The following MDC1 variants were observed in gnomAD, a reference collection of about 807,000 sequenced individuals.
MDC1 encodes the protein mediator of DNA damage checkpoint 1.
In MDC1, 81 loss-of-function variants were observed where a neutral mutation model predicts 142.5. That is an observed-to-expected ratio of 0.57 (90% confidence interval 0.47 to 0.68). The LOEUF (loss-of-function observed/expected upper bound fraction) is 0.68, where lower values mean the gene tolerates loss of function less well. Ranked by LOEUF, MDC1 falls within the 30% of genes least tolerant of loss-of-function variation. The pLI is 0.00. For synonymous variants in MDC1, 797 were observed against 968.4 expected, an observed-to-expected ratio of 0.82 and a Z score of 3.29; for missense variants, 2,119 against 2,547.9, an observed-to-expected ratio of 0.83 and a Z score of 3.62.
Position 30,713,513 on chromosome 6 carries a change from T to G in MDC1, c.587+135A>C, listed in dbSNP as rs1048922777. Reference sequence around the variant, plus strand: ...GCACATCAGATGTGCTCCATAAAAATTCAGCTGAGTGAATGAATATGTATG... The same window carrying G: ...GCACATCAGATGTGCTCCATAAAAAGTCAGCTGAGTGAATGAATATGTATG... On this transcript the variant is annotated intron_variant, in intron 4 of 14. Transcript: ENST00000376406. The surrounding 1 kb of genome is among the most constrained non-coding windows in gnomAD (Gnocchi z 4.9). 1.6e-6 allele frequency: 2 copies of G among 1,247,284 alleles called. No individual in the cohort carries two copies. Among genetic ancestry groups the G allele is most frequent in the African/African-American group, 3.0e-5 (2 of 65,644 alleles). 77.3% of individuals were successfully genotyped at this position (1,247,284 alleles called of 1,614,324 possible). A position where few individuals can be genotyped will look rare whatever the true frequency, so the allele number is the denominator to read the frequency against.
At chr6:30,700,658 A>G in intron 14 of MDC1, 26 bp from the exon 15 acceptor site, 1 of 1,611,276 alleles carries the variant, frequency 6.2e-7, no homozygotes, top group Non-Finnish European at 8.5e-7. Flanking sequence ...CAAAGGCAAA[A>G]TCAGGTGAAA....
Position 30,712,760 on chromosome 6 carries a change from G to T in MDC1, c.1182C>A (p.Ser394Arg), listed in dbSNP as rs758172008. 6.2e-7 allele frequency: 1 copy of T among 1,613,020 alleles called. No individual in the cohort carries two copies. Among genetic ancestry groups the T allele is most frequent in the South Asian group, 1.1e-5 (1 of 91,080 alleles). ...CGCTGTTGATAACCATGGAAGCTTG[G>T]CTTTTCTCCAGAGGGACAGCCTGTG... ...KAPQAVPLEK[S>R]QASMVINSDT... Residue 394 changes from serine to arginine, a missense_variant, in exon 5 of 15, where the codon AGC becomes AGA. Ser to Arg is a moderately radical substitution (Grantham distance 110). Transcript: ENST00000376406. This position sits in a 1 kb window ranked among gnomAD's most constrained non-coding sequence, Gnocchi z 4.7.
Position 30,705,947 on chromosome 6 carries a change from C to T in MDC1, c.3236G>A (p.Arg1079His), listed in dbSNP as rs61733207. The stretch of plus-strand genomic sequence containing the variant: ...CTGACTCCCATCTTGCCTGGTCTTA[C>T]GAACGGTTGGCTTGATAGAAGGTAA... ...PLLPSIKPTV[R>H]KTRQDGSQEA... is the part of the protein sequence containing the mutation. Residue 1079 changes from arginine (R) to histidine (H), a missense_variant, in exon 10 of 15, where the codon CGT becomes CAT. Transcript: ENST00000376406. 26 of 1,613,602 alleles carry T rather than the reference C, an allele frequency of 1.6e-5. No individual in the cohort carries two copies. Among genetic ancestry groups the T allele is most frequent in the Admixed American group, 3.3e-5 (2 of 59,932 alleles).
At position 30,703,115 on chromosome 6, in the gene MDC1, A is replaced by T. The variant is rs752967444; in HGVS notation, c.5854T>A (p.Trp1952Arg). The T allele has an allele frequency of 6.2e-7, 1 of 1,612,572 alleles. No homozygotes were observed. Among genetic ancestry groups the T allele is most frequent in the African/African-American group, 1.3e-5 (1 of 74,934 alleles). The change falls in exon 12 of 15, where the codon TGG (tryptophan) becomes AGG (arginine). Residue 1952 changes from tryptophan (W) to arginine (R), a missense_variant. Physicochemically the swap from Trp to Arg is moderately radical, Grantham distance 101 (BLOSUM62 -3). Transcript: ENST00000376406. This position sits in a 1 kb window ranked among gnomAD's most constrained non-coding sequence, Gnocchi z 4.4. Reference sequence around the variant, plus strand: ...CCTTGGCCTCTCACCTGATGCAGCCAGTCCAGGGACAGAATGGGGATTCCC... The same window carrying T: ...CCTTGGCCTCTCACCTGATGCAGCCTGTCCAGGGACAGAATGGGGATTCCC... ...GRGIPILSLD[W>R]LHQSRKAGFF...
Position 30,702,740 on chromosome 6 carries a change from A to G in MDC1, c.5991+12T>C, listed in dbSNP as rs371162703. ...GGAGGGCTGAAGCACAGGTTAAAAG[A>G]TAGCCTCTCACCTCTAGCAGCCTTC... On this transcript the variant is annotated intron_variant, in intron 13 of 14. Coordinates refer to ENST00000376406, the MANE Select transcript of MDC1 (RefSeq NM_014641.3). 1.2e-6 allele frequency: 2 copies of G among 1,613,068 alleles called. No homozygotes were observed. The highest frequency in any genetic ancestry group is 1.7e-5 in the Admixed American group (1 of 60,014).
At position 30,711,356 on chromosome 6, in the gene MDC1, G is replaced by A. The variant is rs1774852221; in HGVS notation, c.2221+56C>T. The A allele has an allele frequency of 2.0e-6, 3 of 1,484,176 alleles. No homozygotes were observed. The South Asian group carries it at 3.4e-5, about 17-fold the overall frequency. The allele number at this position is 1,484,176 out of a possible 1,614,324, so 91.9% of individuals were successfully genotyped here. A position where few individuals can be genotyped will look rare whatever the true frequency, so the allele number is the denominator to read the frequency against. The stretch of plus-strand genomic sequence containing the variant: ...ACTGTAATCCAGCCTGAGTGACAGA[G>A]GAAAAAAAAGAGAATGCAGAATTGG... On this transcript the variant is annotated intron_variant, in intron 7 of 14. Coordinates refer to ENST00000376406, the MANE Select transcript of MDC1 (RefSeq NM_014641.3).
intron 14 of MDC1, among the ~76,000 whole-genome samples, chr6:30,702,046 A>G (rs974636485): frequency 6.6e-6 from 1 of 151,836 alleles, no homozygotes; most frequent in Non-Finnish European, 1.5e-5. Context: ...GCAGATCATG[A>G]CCTCAGGAGA....
rs1472156046 is a variant in MDC1 at position 30,707,392 on chromosome 6, CCTT to C, written c.3073_3075del (p.Lys1025del). The C allele has an allele frequency of 1.2e-6, 2 of 1,613,080 alleles. No homozygotes were observed. Among genetic ancestry groups the C allele is most frequent in the Admixed American group, 1.7e-5 (1 of 60,026 alleles). ...GAAAAAGTAGCTCTCACCCTGGAAA[CCTT>C]CTCAGCAGCTCTGATCCTGGAAGCC... On this transcript the variant is annotated inframe_deletion, in exon 9 of 15. Coordinates refer to ENST00000376406, the MANE Select transcript of MDC1 (RefSeq NM_014641.3).
chr6:30,700,702 C>T, intron 14 of MDC1, 70 bp from the exon 15 acceptor site: 1 of 1,484,816 alleles, frequency 6.7e-7, no homozygotes, highest in South Asian at 1.2e-5. Context: ...GACCCACTAA[C>T]CAGTCTTACC....
In MDC1 at chr6:30,705,201, T is replaced by C; in HGVS notation, c.3982A>G (p.Thr1328Ala). 6.3e-7 allele frequency: 1 copy of C among 1,592,624 alleles called. No individual in the cohort carries two copies. Among genetic ancestry groups the C allele is most frequent in the Non-Finnish European group, 8.5e-7 (1 of 1,170,592 alleles). ...GTGGAAATCTGGAGCTCAGGGGCTG[T>C]GGGGACAACTGTTTCAGGGGTCTTG... ...SVKTPETVVP[T>A]APELQISTST... Residue 1328 changes from threonine to alanine, a missense_variant, in exon 10 of 15, where the codon ACA (threonine) becomes GCA (alanine). Physicochemically the swap from Thr to Ala is moderately conservative, Grantham distance 58. Coordinates refer to ENST00000376406, the MANE Select transcript of MDC1 (RefSeq NM_014641.3).
In MDC1 at chr6:30,704,032, T is replaced by A; in HGVS notation, c.5151A>T (p.Gln1717His). 6.2e-7 allele frequency: 1 copy of A among 1,614,178 alleles called. No homozygotes were observed. Among genetic ancestry groups the A allele is most frequent in the Non-Finnish European group, 8.5e-7 (1 of 1,180,038 alleles). ...DQPISPEPIT[Q>H]PSCIKRQRAA... ...CTCTCTGCCTCTTGATGCAACTGGG[T>A]TGAGTAATAGGCTCAGGGGAAATAG... The change falls in exon 10 of 15, where the codon CAA becomes CAT. Residue 1717 changes from glutamine (Q) to histidine (H), a missense_variant. Physicochemically the swap from Gln to His is conservative, Grantham distance 24. Coordinates refer to ENST00000376406, the MANE Select transcript of MDC1 (RefSeq NM_014641.3).
intron 9 of MDC1, 97 bp downstream of exon 9, chr6:30,707,287 T>A: frequency 1.6e-6 from 2 of 1,284,700 alleles, no homozygotes; most frequent in Non-Finnish European, 2.2e-6. Context: ...AACTGAATAA[T>A]GAGAAAGGAA....
Position 30,704,438 on chromosome 6 carries a change from G to A in MDC1, c.4745C>T (p.Thr1582Ile), listed in dbSNP as rs1773344768. The A allele has an allele frequency of 6.2e-7, 1 of 1,612,486 alleles. No individual in the cohort carries two copies. Among genetic ancestry groups the A allele is most frequent in the Non-Finnish European group, 8.5e-7 (1 of 1,179,486 alleles). ...AGGGGTGACAAGCTGGTTTCTGGAGGTGGAAGGCTGAAGCTCAGGGGCTAT... is the reference window on the plus strand; with the variant it reads ...AGGGGTGACAAGCTGGTTTCTGGAGATGGAAGGCTGAAGCTCAGGGGCTAT... ...VPIAPELQPS[T>I]SRNQLVTPEP... The change falls in exon 10 of 15, where the codon ACC becomes ATC. Residue 1582 changes from threonine (T) to isoleucine (I), a missense_variant. By Grantham distance (89) the Thr-to-Ile change is moderately conservative. Coordinates refer to ENST00000376406, the MANE Select transcript of MDC1 (RefSeq NM_014641.3).
chr6:30,703,648 A>G lies in MDC1; in HGVS notation c.5535T>C (p.Asp1845=). The G allele has an allele frequency of 1.9e-6, 3 of 1,570,952 alleles. No individual in the cohort carries two copies. The highest frequency in any genetic ancestry group is 2.6e-6 in the Non-Finnish European group (3 of 1,161,986). Reference sequence around the variant, plus strand: ...CTTCCTTCCCTGGCTTCTCTGCAGTATCTTCTTCCTCTTCCTTGATAATCA... The same window carrying G: ...CTTCCTTCCCTGGCTTCTCTGCAGTGTCTTCTTCCTCTTCCTTGATAATCA... ...KTVIIKEEEE[D]TAEKPGKEED... is the part of the protein sequence containing the mutation. The change falls in exon 10 of 15, where the codon GAT becomes GAC. Residue 1845 remains aspartate (D), a synonymous_variant. Coordinates refer to ENST00000376406, the MANE Select transcript of MDC1 (RefSeq NM_014641.3). This position sits in a 1 kb window ranked among gnomAD's most constrained non-coding sequence, Gnocchi z 4.4.
intron 7 of MDC1, among the ~76,000 whole-genome samples, chr6:30,710,973 C>G (rs1263982823): frequency 6.6e-6 from 1 of 152,122 alleles, no homozygotes; most frequent in African/African-American, 2.4e-5. Flanking sequence ...CAGGCCAGTC[C>G]CTAAATATTT....
Position 30,716,061 on chromosome 6 carries a change from C to T in MDC1, c.-3-883G>A, listed in dbSNP as rs372991360. On this transcript the variant is annotated intron_variant, in intron 1 of 14. Transcript: ENST00000376406. This position sits in a 1 kb window ranked among gnomAD's most constrained non-coding sequence, Gnocchi z 4.4. ...CATCTTGTAACGCCTACCCCTCGCC[C>T]GCAAAAGCCTATGGTTCAGCCAGAC... Among the ~76,000 whole-genome samples, 4 of 152,104 alleles carry T rather than the reference C, an allele frequency of 2.6e-5. No individual in the cohort carries two copies. Among genetic ancestry groups the T allele is most frequent in the East Asian group, 1.9e-4 (1 of 5,200 alleles).
rs1775468235 is a variant in MDC1 at position 30,715,029 on chromosome 6, T to C, written c.136+11A>G. The C allele has an allele frequency of 6.2e-7, 1 of 1,613,954 alleles. No individual in the cohort carries two copies. The highest frequency in any genetic ancestry group is 2.2e-5 in the East Asian group (1 of 44,864). Reference sequence around the variant, plus strand: ...TCTATATCAATACTTGAACATCCAATACCCTCTGACCTTTTTCTGGTCCAT... The same window carrying C: ...TCTATATCAATACTTGAACATCCAACACCCTCTGACCTTTTTCTGGTCCAT... On this transcript the variant is annotated intron_variant, in intron 2 of 14. Transcript: ENST00000376406. This position sits in a 1 kb window ranked among gnomAD's most constrained non-coding sequence, Gnocchi z 4.1.
chr6:30,702,090 A>C (rs145535283), intron 14 of MDC1, among the ~76,000 whole-genome samples: 1 of 151,268 alleles, frequency 6.6e-6, no homozygotes, highest in Admixed American at 6.6e-5. Context: ...GTGAAACCCC[A>C]TCTCTACTAA....
At position 30,713,039 on chromosome 6, in the gene MDC1, T is replaced by G; in HGVS notation, c.903A>C (p.Thr301=). The G allele has an allele frequency of 6.2e-7, 1 of 1,612,954 alleles. No homozygotes were observed. Among genetic ancestry groups the G allele is most frequent in the Non-Finnish European group, 8.5e-7 (1 of 1,179,894 alleles). ...RSQPPGEDSD[T]DVDDDSRPPG... is the part of the protein sequence containing the mutation. ...GAGGCCTGCTGTCATCATCCACATC[T>G]GTGTCACTGTCCTCTCCAGGAGGTT... The change falls in exon 5 of 15, where the codon ACA becomes ACC. Residue 301 remains threonine (T), a synonymous_variant. Transcript: ENST00000376406. This position sits in a 1 kb window ranked among gnomAD's most constrained non-coding sequence, Gnocchi z 4.9.
Sources: gnomAD v4.1 joint callset for allele counts (sites outside exome capture counted in the v4.1 genomes callset) on GRCh38, gnomAD v4.1.1 for gene constraint, Gnocchi (gnomAD v3.1) non-coding constraint, MANE v1.5 for transcripts, NCBI Gene and HGNC (gene_info 2026-07-23, HGNC 2026-07-21) for gene names.